SMARCA2: variants seen among roughly 807,000 people sequenced by gnomAD.
SMARCA2 encodes SWI/SNF-related matrix-associated actin-dependent regulator of chromatin subfamily A member 2.
A neutral mutation model predicts 199.8 loss-of-function variants in SMARCA2; 61 were observed. The observed-to-expected ratio is 0.31, with a 90% CI of 0.25 to 0.38. SMARCA2 has a LOEUF of 0.38. Among genes scored for constraint, SMARCA2 ranks in the 10% least tolerant of loss-of-function variants. The pLI is 1.00. For missense variants in SMARCA2, 1,344 were observed against 2,012.2 expected, an observed-to-expected ratio of 0.67 and a Z score of 6.35; for synonymous variants, 935 against 732.0, an observed-to-expected ratio of 1.28 and a Z score of -4.48.
chr9:2,167,545 C>T (rs549233932), intron 28 of SMARCA2, among the ~76,000 whole-genome samples: 1 of 152,326 alleles, frequency 6.6e-6, no homozygotes, highest in East Asian at 1.9e-4. Context: ...TTGGTGAACA[C>T]AGCTCCGGGG....
chr9:2,168,583 T>C (rs1826061878), intron 28 of SMARCA2, among the ~76,000 whole-genome samples: 1 of 152,200 alleles, frequency 6.6e-6, no homozygotes, highest in African/African-American at 2.4e-5. Flanking sequence ...ATTTACTGTG[T>C]CGAAGGCTTT....
chr9:2,130,013 C>G (rs1320678236), intron 27 of SMARCA2, among the ~76,000 whole-genome samples: 1 of 152,052 alleles, frequency 6.6e-6, no homozygotes, highest in African/African-American at 2.4e-5. Flanking sequence ...GCCACCATGC[C>G]CGGCTAATTA....
intron 14 of SMARCA2, among the ~76,000 whole-genome samples, chr9:2,081,146 A>G (rs1031327601): frequency 6.6e-6 from 1 of 152,108 alleles, no homozygotes; most frequent in Non-Finnish European, 1.5e-5. Context: ...TGGTTGGGGG[A>G]TGGAGGTTTA....
At chr9:2,175,303 C>T (rs1484801028) in intron 29 of SMARCA2, among the ~76,000 whole-genome samples, 3 of 135,722 alleles carry the variant, frequency 2.2e-5, no homozygotes, top group African/African-American at 8.6e-5. Context: ...AAATGCTTGT[C>T]CCCGCCCCCC....
chr9:2,084,660 A>C (rs960369285), intron 17 of SMARCA2, among the ~76,000 whole-genome samples: 8 of 152,136 alleles, frequency 5.3e-5, no homozygotes, highest in African/African-American at 1.7e-4. Context: ...CACCATATGA[A>C]CATTTATCCA....
chr9:2,082,606 G>T (rs1220170281), intron 15 of SMARCA2, among the ~76,000 whole-genome samples: 7 of 152,148 alleles, frequency 4.6e-5, no homozygotes, highest in Non-Finnish European at 8.8e-5. Flanking sequence ...CCGAGTGAGG[G>T]CACAGTGATT....
intron 13 of SMARCA2, among the ~76,000 whole-genome samples, chr9:2,077,317 C>G (rs1434409461): frequency 1.3e-5 from 2 of 152,146 alleles, no homozygotes; most frequent in Non-Finnish European, 2.9e-5. Context: ...TCCTATCTGT[C>G]TTTTGGGTCA....
intron 12 of SMARCA2, among the ~76,000 whole-genome samples, chr9:2,074,472 T>A (rs189425865): frequency 1.1e-3 from 173 of 152,310 alleles, no homozygotes; most frequent in African/African-American, 4.0e-3. Context: ...TTCCTTCTAT[T>A]TGTGGACCTG....
rs1826172583 is a variant in SMARCA2, at chr9:2,170,228, C to T, written c.4200-191C>T. 6.6e-6 allele frequency among the ~76,000 whole-genome samples: 1 copy of T among 152,156 alleles called. No individual in the cohort carries two copies. Among genetic ancestry groups the T allele is most frequent in the Non-Finnish European group, 1.5e-5 (1 of 68,034 alleles). ...CAGAAAGGTTAGGAAATCCACTTCC[C>T]CCACCATTTTTAGAGAACTATGTTA... On this transcript the variant is annotated intron_variant, in intron 28 of 33. Coordinates refer to ENST00000349721, the MANE Select transcript of SMARCA2 (RefSeq NM_003070.5). This position sits in a 1 kb window ranked among gnomAD's most constrained non-coding sequence, Gnocchi z 4.7.
intron 27 of SMARCA2, among the ~76,000 whole-genome samples, chr9:2,125,464 C>G (rs982620502): frequency 6.7e-6 from 1 of 149,582 alleles, no homozygotes; most frequent in Admixed American, 6.6e-5. Flanking sequence ...TTACAGCAGA[C>G]GGGACAATAA....
At chr9:2,094,203 T>C (rs756703968) in intron 19 of SMARCA2, among the ~76,000 whole-genome samples, 1 of 152,150 alleles carries the variant, frequency 6.6e-6, no homozygotes, top group Admixed American at 6.5e-5. Flanking sequence ...TAAAATATAG[T>C]TGTGAAGCTT....
chr9:2,127,647 A>G (rs2130639623), intron 27 of SMARCA2, among the ~76,000 whole-genome samples: 1 of 152,292 alleles, frequency 6.6e-6, no homozygotes, highest in South Asian at 2.1e-4. Flanking sequence ...ATTGGCTAGA[A>G]CTTGGTTATG....
chr9:2,162,842 C>T (rs1016011386), intron 28 of SMARCA2: 2 of 152,146 alleles, frequency 1.3e-5, no homozygotes, highest in African/African-American at 4.8e-5. Context: ...CTTCTAGCTC[C>T]CTGCTTCCAA....
chr9:2,177,013 A>C (rs1826656996), intron 29 of SMARCA2, among the ~76,000 whole-genome samples: 1 of 152,194 alleles, frequency 6.6e-6, no homozygotes, highest in Non-Finnish European at 1.5e-5. Context: ...GAGATGAGAG[A>C]TCTCAGTAGC....
rs1821585209 is a variant in SMARCA2 at position 2,082,015 on chromosome 9, CCA to C, written c.2348+23_2348+24del. 1 of 1,605,466 alleles carries C rather than the reference CCA, an allele frequency of 6.2e-7. No homozygotes were observed. On this transcript the variant is annotated intron_variant, in intron 15 of 33. Coordinates refer to ENST00000349721, the MANE Select transcript of SMARCA2 (RefSeq NM_003070.5). ...CCTTTCGTAAGTAAAGTCATTTATT[CCA>C]CAGTCATCGTTCTGTATGTTGTAGA...
intron 19 of SMARCA2, among the ~76,000 whole-genome samples, chr9:2,092,387 T>C (rs1822098538): frequency 6.6e-6 from 1 of 152,238 alleles, no homozygotes; most frequent in Non-Finnish European, 1.5e-5. Flanking sequence ...CTTAGCATAA[T>C]TAATCATTAC....
intron 9 of SMARCA2, among the ~76,000 whole-genome samples, chr9:2,066,170 G>A (rs976642668): frequency 1.3e-5 from 2 of 152,144 alleles, no homozygotes; most frequent in African/African-American, 4.8e-5. Flanking sequence ...TTTGAATGTT[G>A]TTTCAGTATA....
chr9:2,100,423 C>T (rs1423605581), intron 21 of SMARCA2, among the ~76,000 whole-genome samples: 1 of 152,078 alleles, frequency 6.6e-6, no homozygotes. Context: ...ACCTAACTGG[C>T]CAGGTGTGGT....
chr9:2,190,249 T>C (rs1425086143), intron 32 of SMARCA2, among the ~76,000 whole-genome samples: 1 of 152,194 alleles, frequency 6.6e-6, no homozygotes, highest in Non-Finnish European at 1.5e-5. Flanking sequence ...AGAGCACTGT[T>C]AGAAATTTAC....
Sources: gnomAD v4.1 joint callset for allele counts (sites outside exome capture counted in the v4.1 genomes callset) on GRCh38, gnomAD v4.1.1 for gene constraint, Gnocchi (gnomAD v3.1) non-coding constraint, MANE v1.5 for transcripts, NCBI Gene and HGNC (gene_info 2026-07-23, HGNC 2026-07-21) for gene names.